SOAT1: variants seen among roughly 807,000 people sequenced by gnomAD.
SOAT1 encodes the protein acyl-coenzyme A:cholesterol acyltransferase 1.
SOAT1 carries 55 observed loss-of-function variants against 69.5 expected under a neutral mutation model. That is an observed-to-expected ratio of 0.79 (90% confidence interval 0.64 to 0.99). SOAT1 has a LOEUF of 0.99. Ranked by LOEUF, SOAT1 falls within the 50% of genes least tolerant of loss-of-function variation. The pLI is 0.00. For missense variants in SOAT1, 580 were observed against 669.3 expected, an observed-to-expected ratio of 0.87 and a Z score of 1.47; for synonymous variants, 231 against 224.7, an observed-to-expected ratio of 1.03 and a Z score of -0.25.
intron 1 of SOAT1, among the ~76,000 whole-genome samples, 175 bp downstream of exon 1, chr1:179,294,111 A>C (rs933707151): frequency 2.0e-5 from 3 of 152,130 alleles, no homozygotes; most frequent in Non-Finnish European, 2.9e-5. Context: ...GGAGGGCGGG[A>C]AAGTTACCGT....
intron 2 of SOAT1, among the ~76,000 whole-genome samples, chr1:179,311,531 A>G (rs543998896): frequency 1.3e-5 from 2 of 152,256 alleles, no homozygotes; most frequent in African/African-American, 4.8e-5. Context: ...TTAGAAGGAA[A>G]AGTACAGCAT....
chr1:179,344,879 A>G, intron 10 of SOAT1, 68 bp from the exon 11 acceptor site: 2 of 1,501,050 alleles, frequency 1.3e-6, no homozygotes, highest in Non-Finnish European at 1.8e-6. Flanking sequence ...TTTCTTTTGG[A>G]GAGAAAAAAA....
intron 2 of SOAT1, among the ~76,000 whole-genome samples, chr1:179,320,001 T>C (rs1019148893): frequency 7.9e-5 from 12 of 152,110 alleles, no homozygotes; most frequent in Non-Finnish European, 7.4e-5. Flanking sequence ...TTTTTTTTTT[T>C]CCCATTCTAT....
Position 179,356,725 on chromosome 1 carries a change from C to T in SOAT1, c.*3084C>T, listed in dbSNP as rs888412243. The T allele has an allele frequency of 6.6e-6, 1 of 152,026 alleles. No individual in the cohort carries two copies. Among genetic ancestry groups the T allele is most frequent in the Non-Finnish European group, 1.5e-5 (1 of 68,060 alleles). 9.4% of individuals were successfully genotyped at this position (152,026 alleles called of 1,614,324 possible). On this transcript the variant is annotated 3_prime_UTR_variant, in exon 16 of 16. Coordinates refer to ENST00000367619, the MANE Select transcript of SOAT1 (RefSeq NM_003101.6). ...GTTTTTGTTTTTAAAGAGACAGGGT[C>T]TCACTCTGTTGCCCAGGCTGGTAGT...
chr1:179,344,531 C>T (rs1379438764), intron 10 of SOAT1, among the ~76,000 whole-genome samples: 12 of 151,826 alleles, frequency 7.9e-5, no homozygotes, highest in Admixed American at 5.3e-4. Flanking sequence ...CCCACCACTG[C>T]GCCTGGCTAA....
chr1:179,295,966 ATTTTTTTTTTTTTTTTTT>A lies in SOAT1; in HGVS notation c.-9+2048_-9+2065del, dbSNP rs58893158. The stretch of plus-strand genomic sequence containing the variant: ...GGGCATGTGCTACCACGCCCGGCTA[ATTTTTTTTTTTTTTTTTT>A]TTTTTTTTTTTTTTTTTAGTAAAGA... On this transcript the variant is annotated intron_variant, in intron 1 of 15. Transcript: ENST00000367619. Among the ~76,000 whole-genome samples, 15 of 51,984 alleles carry A rather than the reference ATTTTTTTTTTTTTTTTTT, an allele frequency of 2.9e-4. 1 individual carries two copies. In the Admixed American group the frequency reaches 3.7e-3, roughly 13 times the overall value. 34.1% of individuals were successfully genotyped at this position (51,984 alleles called of 152,430 possible). A position where few individuals can be genotyped will look rare whatever the true frequency, so the allele number is the denominator to read the frequency against.
At chr1:179,305,646 G>A (rs12402165) in intron 2 of SOAT1, among the ~76,000 whole-genome samples, 33,023 of 152,076 alleles carry the variant, frequency 0.22, 4,595 homozygotes, top group East Asian at 0.38. Context: ...AACTTTTTGA[G>A]GAGCTGCTGT....
chr1:179,350,205 G>A, intron 13 of SOAT1, 91 bp from the exon 14 acceptor site: 3 of 996,052 alleles, frequency 3.0e-6, no homozygotes, highest in Non-Finnish European at 4.4e-6. Context: ...AATACAATAG[G>A]TGCCTTTGGC....
chr1:179,346,971 T>C (rs1397355035), intron 11 of SOAT1, among the ~76,000 whole-genome samples: 1 of 152,074 alleles, frequency 6.6e-6, no homozygotes, highest in Non-Finnish European at 1.5e-5. Context: ...TCTCTCCCAG[T>C]TTTAAACAAT....
intron 2 of SOAT1, among the ~76,000 whole-genome samples, chr1:179,316,601 C>A (rs1665405238): frequency 6.6e-6 from 1 of 152,138 alleles, no homozygotes; most frequent in African/African-American, 2.4e-5. Context: ...CCATGTTGGT[C>A]AGGCTGGTCT....
rs1666864679 is a variant in SOAT1 at position 179,355,071 on chromosome 1, TACTC to T, written c.*1433_*1436del. The T allele has an allele frequency of 6.6e-6, 1 of 152,344 alleles. No individual in the cohort carries two copies. Among genetic ancestry groups the T allele is most frequent in the African/African-American group, 2.4e-5 (1 of 41,580 alleles). 9.4% of individuals were successfully genotyped at this position (152,344 alleles called of 1,614,324 possible). ...AAGTATCCAGCTTAATCACGTATCT[TACTC>T]ACGATACCACTGGTCCAGATGAGTT... On this transcript the variant is annotated 3_prime_UTR_variant, in exon 16 of 16. Transcript: ENST00000367619.
chr1:179,353,755 T>C lies in SOAT1; in HGVS notation c.*114T>C. ...CTGTGTTATTTGGACCACTCCAGGC[T>C]TTACAGATGACTCACTCCATTCCTA... On this transcript the variant is annotated 3_prime_UTR_variant, in exon 16 of 16. Transcript: ENST00000367619. 1 of 867,202 alleles carries C rather than the reference T, an allele frequency of 1.2e-6. No individual in the cohort carries two copies. The highest frequency in any genetic ancestry group is 1.9e-6 in the Non-Finnish European group (1 of 533,776). The allele number at this position is 867,202 out of a possible 1,614,324, so 53.7% of individuals were successfully genotyped here. A position where few individuals can be genotyped will look rare whatever the true frequency, so the allele number is the denominator to read the frequency against.
At chr1:179,323,758 T>C (rs1055316350) in intron 3 of SOAT1, among the ~76,000 whole-genome samples, 3 of 152,200 alleles carry the variant, frequency 2.0e-5, no homozygotes, top group South Asian at 2.1e-4. Flanking sequence ...ACGTTAACAG[T>C]TGATAGCGTT....
Position 179,311,672 on chromosome 1 carries a change from A to C in SOAT1, c.118+8870A>C, listed in dbSNP as rs989285713. On this transcript the variant is annotated intron_variant, in intron 2 of 15. Transcript: ENST00000367619. ...AAATTCACTTGAAAATTTATTCTCAACCTAAGTAATAAATTGTTAAATCAT... is the reference window on the plus strand; with the variant it reads ...AAATTCACTTGAAAATTTATTCTCACCCTAAGTAATAAATTGTTAAATCAT... Among the ~76,000 whole-genome samples the C allele has an allele frequency of 3.3e-5, 5 of 152,276 alleles. No homozygotes were observed. The East Asian group carries it at 9.6e-4, about 29-fold the overall frequency.
In SOAT1 at chr1:179,299,745, C is replaced by CTTTTTT. The variant is rs1162260815; in HGVS notation, c.-8-2911_-8-2906dup. ...ATTTATTTTTTAATCATTTTGCTAT[C>CTTTTTT]TTTTTTTTTTTTTTTTTTTTTTTTT... On this transcript the variant is annotated intron_variant, in intron 1 of 15. Coordinates refer to ENST00000367619, the MANE Select transcript of SOAT1 (RefSeq NM_003101.6). Among the ~76,000 whole-genome samples, 138 of 69,548 alleles carry CTTTTTT rather than the reference C, an allele frequency of 2.0e-3. 25 individuals carry two copies. Among genetic ancestry groups the CTTTTTT allele is most frequent in the South Asian group, 4.8e-3 (7 of 1,446 alleles). 45.6% of individuals were successfully genotyped at this position (69,548 alleles called of 152,430 possible). A position where few individuals can be genotyped will look rare whatever the true frequency, so the allele number is the denominator to read the frequency against.
chr1:179,337,356 T>G (rs1451500786), intron 4 of SOAT1, among the ~76,000 whole-genome samples: 1 of 152,118 alleles, frequency 6.6e-6, no homozygotes, highest in Non-Finnish European at 1.5e-5. Context: ...TCCCTTGATA[T>G]CAGGAAGGGT....
chr1:179,350,175 G>A lies in SOAT1; in HGVS notation c.1315-121G>A, dbSNP rs1271518657. On this transcript the variant is annotated intron_variant, in intron 13 of 15. Transcript: ENST00000367619. ...TAGACTTGGATTAATCCAAGGAGTA[G>A]ACTTAGAAAATTAAGTACAAATACA... 9.8e-6 allele frequency: 7 copies of A among 713,642 alleles called. No individual in the cohort carries two copies. In the South Asian group the frequency reaches 9.9e-5, roughly 10 times the overall value. The allele number at this position is 713,642 out of a possible 1,614,324, so 44.2% of individuals were successfully genotyped here. A position where few individuals can be genotyped will look rare whatever the true frequency, so the allele number is the denominator to read the frequency against.
At chr1:179,311,087 C>T (rs1471794915) in intron 2 of SOAT1, among the ~76,000 whole-genome samples, 1 of 152,088 alleles carries the variant, frequency 6.6e-6, no homozygotes, top group African/African-American at 2.4e-5. Context: ...GAAATGAGGC[C>T]AGATGTGGTG....
In SOAT1 at chr1:179,354,213, A is replaced by T. The variant is rs901717542; in HGVS notation, c.*572A>T. The T allele has an allele frequency of 2.6e-5, 4 of 152,774 alleles. No homozygotes were observed. The highest frequency in any genetic ancestry group is 9.6e-5 in the African/African-American group (4 of 41,562). 9.5% of individuals were successfully genotyped at this position (152,774 alleles called of 1,614,324 possible). A position where few individuals can be genotyped will look rare whatever the true frequency, so the allele number is the denominator to read the frequency against. The stretch of plus-strand genomic sequence containing the variant: ...TTTGTAATTTTTTTGAAAAAAGTTC[A>T]ATGTTCAGTTTTCCTTAGTTTTTAC... On this transcript the variant is annotated 3_prime_UTR_variant, in exon 16 of 16. Transcript: ENST00000367619.
Sources: allele counts gnomAD v4.1 joint callset (sites outside exome capture counted in the v4.1 genomes callset), GRCh38; gene constraint gnomAD v4.1.1; transcripts MANE v1.5; gene names NCBI Gene and HGNC (gene_info 2026-07-23, HGNC 2026-07-21).